The following CCDC148 variants were observed in gnomAD, a reference collection of about 807,000 sequenced individuals.
CCDC148 encodes coiled-coil domain containing 148, also known as coiled-coil domain-containing protein 148.
In CCDC148, 89 loss-of-function variants were observed where a neutral mutation model predicts 85.7. The observed-to-expected ratio is 1.04, with a 90% confidence interval of 0.87 to 1.24. The LOEUF is 1.24. Among genes scored for constraint, CCDC148 ranks in the 50% most tolerant of loss-of-function variants. The probability of loss-of-function intolerance (pLI) is 0.00; values close to 1 mark genes in which losing one functional copy is unlikely to be tolerated. For synonymous variants in CCDC148, 230 were observed against 213.9 expected, an observed-to-expected ratio of 1.08 and a Z score of -0.66; for missense variants, 692 against 671.7, an observed-to-expected ratio of 1.03 and a Z score of -0.33.
At chr2:158,364,875 A>C (rs976519384) in intron 1 of CCDC148, among the ~76,000 whole-genome samples, 7 of 152,214 alleles carry the variant, frequency 4.6e-5, no homozygotes, top group Non-Finnish European at 8.8e-5. Context: ...GTGAACAGGC[A>C]ATCTACAGAA....
rs190874368 is a variant in CCDC148 at position 158,274,432 on chromosome 2, G to A, written c.1111-23520C>T. On this transcript the variant is annotated intron_variant, in intron 9 of 13. Transcript: ENST00000283233. The stretch of plus-strand genomic sequence containing the variant: ...CACCTGCAGCTGTCATAGTCACTGT[G>A]TTAAACATAGGTGCAAGCAACTGGC... Among the ~76,000 whole-genome samples, 147 of 152,264 alleles carry A rather than the reference G, an allele frequency of 9.7e-4. 1 individual carries two copies. Among genetic ancestry groups the A allele is most frequent in the African/African-American group, 3.3e-3 (138 of 41,538 alleles).
rs564553880 is a variant in CCDC148 at position 158,453,777 on chromosome 2, C to T, written c.25+2638G>A. ...TTAAAAGTTTCAGGTAGACTTCTTTCTGAGCTGGTAATTGAAAAGTTGTTT... is the reference window on the plus strand; with the variant it reads ...TTAAAAGTTTCAGGTAGACTTCTTTTTGAGCTGGTAATTGAAAAGTTGTTT... On this transcript the variant is annotated intron_variant, in intron 1 of 13. Coordinates refer to ENST00000283233, the MANE Select transcript of CCDC148 (RefSeq NM_138803.4). 5.9e-5 allele frequency among the ~76,000 whole-genome samples: 9 copies of T among 152,290 alleles called. No homozygotes were observed. The South Asian group carries it at 1.9e-3, about 32-fold the overall frequency.
At chr2:158,371,723 CAT>C (rs57355662) in intron 1 of CCDC148, among the ~76,000 whole-genome samples, 27,556 of 150,614 alleles carry the variant, frequency 0.18, 4,215 homozygotes, top group African/African-American at 0.42. Context: ...GGCATGTATA[CAT>C]ATATATATAT....
chr2:158,327,777 G>C (rs1692857694), intron 7 of CCDC148, among the ~76,000 whole-genome samples: 1 of 151,998 alleles, frequency 6.6e-6, no homozygotes. Context: ...AGTCTTCTGA[G>C]ACTAAAATAT....
chr2:158,422,418 G>C (rs1241469435), intron 1 of CCDC148, among the ~76,000 whole-genome samples: 9 of 152,152 alleles, frequency 5.9e-5, no homozygotes, highest in Admixed American at 5.9e-4. Context: ...TGGGATGCAA[G>C]GCTTGTTCAA....
chr2:158,369,775 T>A (rs1377685247), intron 1 of CCDC148, among the ~76,000 whole-genome samples: 2 of 152,134 alleles, frequency 1.3e-5, no homozygotes, highest in African/African-American at 4.8e-5. Context: ...CCTTCCAGCT[T>A]TTGCCCATTC....
intron 9 of CCDC148, among the ~76,000 whole-genome samples, chr2:158,267,899 A>C (rs1689538474): frequency 6.6e-6 from 1 of 152,172 alleles, no homozygotes; most frequent in African/African-American, 2.4e-5. Context: ...TCTGATGCTC[A>C]TCCATGTTGT....
At chr2:158,198,750 C>A (rs1007758479) in intron 11 of CCDC148, among the ~76,000 whole-genome samples, 5 of 152,076 alleles carry the variant, frequency 3.3e-5, no homozygotes, top group African/African-American at 1.2e-4. Flanking sequence ...AAACAGTGAA[C>A]TGAGTTTAAA....
intron 9 of CCDC148, among the ~76,000 whole-genome samples, chr2:158,293,565 T>G (rs1690994966): frequency 6.6e-6 from 1 of 152,128 alleles, no homozygotes; most frequent in South Asian, 2.1e-4. Context: ...TAACAAAATG[T>G]TTTTTTCCCC....
At chr2:158,224,663 A>C (rs943399654) in intron 10 of CCDC148, among the ~76,000 whole-genome samples, 3 of 152,212 alleles carry the variant, frequency 2.0e-5, no homozygotes, top group African/African-American at 7.2e-5. Flanking sequence ...ATTCTTAAAG[A>C]AAAGAATTTT....
intron 11 of CCDC148, among the ~76,000 whole-genome samples, chr2:158,210,416 T>C (rs1574407731): frequency 6.6e-6 from 1 of 152,066 alleles, no homozygotes; most frequent in South Asian, 2.1e-4. Flanking sequence ...GACAGAAAAT[T>C]AACAAGGATA....
intron 9 of CCDC148, among the ~76,000 whole-genome samples, chr2:158,272,877 T>A (rs910162736): frequency 2.0e-5 from 3 of 152,220 alleles, no homozygotes; most frequent in African/African-American, 7.2e-5. Flanking sequence ...GGTGAGGTGA[T>A]GGATATATTA....
chr2:158,285,150 T>C (rs1259398759), intron 9 of CCDC148, among the ~76,000 whole-genome samples: 2 of 152,072 alleles, frequency 1.3e-5, no homozygotes, highest in East Asian at 1.9e-4. Flanking sequence ...TAGCCAGGTA[T>C]GGTGGTGGGT....
At chr2:158,387,982 C>A in intron 1 of CCDC148, among the ~76,000 whole-genome samples, 1 of 152,158 alleles carries the variant, frequency 6.6e-6, no homozygotes, top group East Asian at 1.9e-4. Flanking sequence ...AGTGTAGAGA[C>A]CAGCACTGTT....
At chr2:158,300,837 G>T (rs1691406729) in intron 9 of CCDC148, among the ~76,000 whole-genome samples, 1 of 152,108 alleles carries the variant, frequency 6.6e-6, no homozygotes, top group African/African-American at 2.4e-5. Context: ...TATCATTAGG[G>T]AATGGCATAC....
At chr2:158,203,914 A>G (rs966402120) in intron 11 of CCDC148, among the ~76,000 whole-genome samples, 6 of 152,200 alleles carry the variant, frequency 3.9e-5, no homozygotes, top group Non-Finnish European at 5.9e-5. Context: ...GACAATTTTG[A>G]GATGGTACTC....
At chr2:158,307,033 A>T (rs1691726060) in intron 9 of CCDC148, among the ~76,000 whole-genome samples, 1 of 145,412 alleles carries the variant, frequency 6.9e-6, no homozygotes, top group African/African-American at 2.5e-5. Context: ...AAAAAAAAAA[A>T]TAGTTATTTT....
At chr2:158,394,241 A>G (rs551558693) in intron 1 of CCDC148, among the ~76,000 whole-genome samples, 18 of 152,264 alleles carry the variant, frequency 1.2e-4, no homozygotes, top group Admixed American at 1.3e-4. Context: ...GAAATTGCAG[A>G]GAGACAGTGT....
At chr2:158,288,830 C>T (rs1690756758) in intron 9 of CCDC148, 1 of 363,248 alleles carries the variant, frequency 2.8e-6, no homozygotes. Context: ...TAAAGACATA[C>T]CTGAGACTGG....
Sources: allele counts gnomAD v4.1 joint callset (sites outside exome capture counted in the v4.1 genomes callset), GRCh38; gene constraint gnomAD v4.1.1; transcripts MANE v1.5; gene names NCBI Gene and HGNC (gene_info 2026-07-23, HGNC 2026-07-21).